The following NELL1 variants were observed in gnomAD, a reference collection of about 807,000 sequenced individuals.
NELL1 encodes the protein protein kinase C-binding protein NELL1.
Under a neutral mutation model 107.4 loss-of-function variants are expected in NELL1, and 76 were observed. The ratio of observed to expected loss-of-function variants is 0.71; its 90% CI spans 0.59 to 0.86. The LOEUF (loss-of-function observed/expected upper bound fraction) is 0.86, where lower values mean the gene tolerates loss of function less well. NELL1 is among the 40% of genes least tolerant of loss of function. The pLI is 0.00. For missense variants in NELL1, 1,024 were observed against 1,005.5 expected, an observed-to-expected ratio of 1.02 and a Z score of -0.25; for synonymous variants, 353 against 341.2, an observed-to-expected ratio of 1.03 and a Z score of -0.38.
At chr11:20,777,864 T>C (rs1466031660) in intron 2 of NELL1, among the ~76,000 whole-genome samples, 1 of 152,196 alleles carries the variant, frequency 6.6e-6, no homozygotes, top group Non-Finnish European at 1.5e-5. Flanking sequence ...TTTTCCCACC[T>C]TGATTTGCTG....
At chr11:21,403,308 G>A (rs1044260803) in intron 15 of NELL1, among the ~76,000 whole-genome samples, 1 of 151,618 alleles carries the variant, frequency 6.6e-6, no homozygotes, top group African/African-American at 2.4e-5. Context: ...GTGCTGGGAA[G>A]CTCATAGACC....
chr11:20,840,725 G>A (rs541886851), intron 3 of NELL1, among the ~76,000 whole-genome samples: 1 of 152,328 alleles, frequency 6.6e-6, no homozygotes, highest in East Asian at 1.9e-4. Context: ...CATTACTTTT[G>A]CCCTTAAAGT....
At chr11:20,704,333 T>G (rs574000619) in intron 2 of NELL1, among the ~76,000 whole-genome samples, 182 of 149,904 alleles carry the variant, frequency 1.2e-3, no homozygotes, top group African/African-American at 4.5e-3. Context: ...CAACCCTTGC[T>G]TTTTTTTGTT....
chr11:21,053,820 A>G (rs1329089791), intron 12 of NELL1, among the ~76,000 whole-genome samples: 1 of 152,154 alleles, frequency 6.6e-6, no homozygotes, highest in African/African-American at 2.4e-5. Context: ...TTTACACTAG[A>G]TCTCCTTCAG....
At chr11:20,915,815 C>T (rs11825429) in intron 5 of NELL1, among the ~76,000 whole-genome samples, 2,560 of 147,702 alleles carry the variant, frequency 0.017, 78 homozygotes, top group African/African-American at 0.06. Context: ...AAGGAAACTA[C>T]ATGCTTAGCA....
intron 4 of NELL1, among the ~76,000 whole-genome samples, chr11:20,848,972 T>G (rs1243457400): frequency 6.6e-6 from 1 of 152,222 alleles, no homozygotes; most frequent in Non-Finnish European, 1.5e-5. Context: ...AGAGTTTCCA[T>G]AGAAACCACT....
chr11:21,526,884 A>T (rs1055068914), intron 15 of NELL1, among the ~76,000 whole-genome samples: 1 of 152,172 alleles, frequency 6.6e-6, no homozygotes, highest in African/African-American at 2.4e-5. Flanking sequence ...TGATGGGAGG[A>T]GCTGCTGGGA....
chr11:21,227,347 C>A (rs1026709875), intron 13 of NELL1, among the ~76,000 whole-genome samples: 2 of 152,050 alleles, frequency 1.3e-5, no homozygotes, highest in Admixed American at 1.3e-4. Context: ...AAAATATGTT[C>A]CTTTTGTATG....
chr11:21,263,969 G>A (rs11025995), intron 14 of NELL1, among the ~76,000 whole-genome samples: 3,144 of 151,920 alleles, frequency 0.021, 59 homozygotes, highest in East Asian at 0.065. Flanking sequence ...GAAATTATGT[G>A]CATTTAGCCA....
chr11:20,966,864 G>A (rs1203800041), intron 12 of NELL1, among the ~76,000 whole-genome samples: 1 of 142,738 alleles, frequency 7.0e-6, no homozygotes, highest in Non-Finnish European at 1.5e-5. Context: ...ACACACACAC[G>A]ATTTTCTTCT....
At chr11:21,391,739 A>T (rs2133784128) in intron 15 of NELL1, among the ~76,000 whole-genome samples, 1 of 151,770 alleles carries the variant, frequency 6.6e-6, no homozygotes, top group Admixed American at 6.6e-5. Flanking sequence ...GGCTCACGTG[A>T]TCTTCTCACC....
intron 12 of NELL1, among the ~76,000 whole-genome samples, chr11:21,082,632 A>G (rs1387332153): frequency 6.6e-6 from 1 of 152,188 alleles, no homozygotes; most frequent in Non-Finnish European, 1.5e-5. Context: ...TTGCTCTAGC[A>G]TTTGAAAGCC....
chr11:21,429,324 G>A (rs977877494), intron 15 of NELL1, among the ~76,000 whole-genome samples: 1 of 152,174 alleles, frequency 6.6e-6, no homozygotes, highest in African/African-American at 2.4e-5. Flanking sequence ...AAGTTGGGAG[G>A]AATGAAATAT....
chr11:20,948,426 T>C (rs1851007269), intron 11 of NELL1, among the ~76,000 whole-genome samples: 1 of 152,094 alleles, frequency 6.6e-6, no homozygotes, highest in Non-Finnish European at 1.5e-5. Flanking sequence ...GATACATGTA[T>C]ACAATGTGTA....
chr11:20,802,492 T>A (rs1857300213), intron 3 of NELL1, among the ~76,000 whole-genome samples: 1 of 152,124 alleles, frequency 6.6e-6, no homozygotes, highest in South Asian at 2.1e-4. Context: ...TTTCCAAATA[T>A]AAGATTATAT....
chr11:20,687,450 G>C (rs1179097689), intron 2 of NELL1, among the ~76,000 whole-genome samples: 1 of 151,838 alleles, frequency 6.6e-6, no homozygotes, highest in Non-Finnish European at 1.5e-5. Context: ...CAGACTATTT[G>C]ACATTTTATG....
chr11:20,722,353 C>G (rs1270396306), intron 2 of NELL1, among the ~76,000 whole-genome samples: 1 of 152,134 alleles, frequency 6.6e-6, no homozygotes, highest in Non-Finnish European at 1.5e-5. Flanking sequence ...TCAAAGGGAA[C>G]AGCAGTGTCA....
chr11:20,976,894 C>A (rs889614762), intron 12 of NELL1, among the ~76,000 whole-genome samples: 1 of 151,662 alleles, frequency 6.6e-6, no homozygotes, highest in Non-Finnish European at 1.5e-5. Flanking sequence ...TTTTCTTTAA[C>A]GCAAACTCCT....
At chr11:21,373,938 T>G (rs1851411080) in intron 15 of NELL1, among the ~76,000 whole-genome samples, 1 of 152,078 alleles carries the variant, frequency 6.6e-6, no homozygotes, top group African/African-American at 2.4e-5. Context: ...GGAAAAGGGC[T>G]GCTGGTGAAT....
Sources: allele counts gnomAD v4.1 joint callset (sites outside exome capture counted in the v4.1 genomes callset), GRCh38; gene constraint gnomAD v4.1.1; transcripts MANE v1.5; gene names NCBI Gene and HGNC (gene_info 2026-07-23, HGNC 2026-07-21).